Variants in ELMO1 observed in about 807,000 individuals in gnomAD.
The protein encoded by ELMO1 is engulfment and cell motility protein 1.
ELMO1 carries 26 observed loss-of-function variants against 98.9 expected under a neutral mutation model. That is an observed-to-expected ratio of 0.26 (90% CI 0.19 to 0.36). The LOEUF (loss-of-function observed/expected upper bound fraction) is 0.36. Ranked by LOEUF, ELMO1 falls within the 10% of genes least tolerant of loss-of-function variation. ELMO1 has a pLI of 1.00. For missense variants in ELMO1, 627 were observed against 935.2 expected, an observed-to-expected ratio of 0.67 and a Z score of 4.30; for synonymous variants, 346 against 346.0, an observed-to-expected ratio of 1.00 and a Z score of 0.00.
At chr7:36,956,981 A>G (rs1423552605) in intron 16 of ELMO1, among the ~76,000 whole-genome samples, 4 of 152,250 alleles carry the variant, frequency 2.6e-5, no homozygotes, top group African/African-American at 9.6e-5. Flanking sequence ...GTTATGTTCC[A>G]TGGTAATGTT....
At chr7:36,964,543 T>G (rs903044133) in intron 16 of ELMO1, among the ~76,000 whole-genome samples, 4 of 152,214 alleles carry the variant, frequency 2.6e-5, no homozygotes, top group Middle Eastern at 3.2e-3. Context: ...TTTGGAAACT[T>G]AAGTCTGTAC....
chr7:37,433,905 C>A (rs1310712130), intron 1 of ELMO1, among the ~76,000 whole-genome samples: 2 of 152,116 alleles, frequency 1.3e-5, no homozygotes, highest in Non-Finnish European at 1.5e-5. Flanking sequence ...CCAGGCTAAC[C>A]CACCCACTCA....
intron 13 of ELMO1, among the ~76,000 whole-genome samples, chr7:37,149,399 G>A (rs1407099084): frequency 6.6e-6 from 1 of 152,126 alleles, no homozygotes; most frequent in African/African-American, 2.4e-5. Context: ...CTAAGCCAGG[G>A]GTTAGCCAAC....
At chr7:37,261,278 G>T (rs1047853357) in intron 5 of ELMO1, among the ~76,000 whole-genome samples, 1 of 152,200 alleles carries the variant, frequency 6.6e-6, no homozygotes, top group Non-Finnish European at 1.5e-5. Context: ...TAGGTAACTT[G>T]CCCAAGGTCA....
chr7:37,448,155 G>C (rs1410264624), intron 1 of ELMO1, among the ~76,000 whole-genome samples: 2 of 151,314 alleles, frequency 1.3e-5, no homozygotes, highest in Admixed American at 1.3e-4. Context: ...CGCTCGCCGG[G>C]GGATTCCCTC....
chr7:36,897,464 A>G (rs1806133056), intron 16 of ELMO1, among the ~76,000 whole-genome samples: 1 of 151,358 alleles, frequency 6.6e-6, no homozygotes, highest in Non-Finnish European at 1.5e-5. Flanking sequence ...CTTGGATGAT[A>G]GTTTGTTCCT....
At chr7:37,114,128 T>C (rs73335575) in intron 14 of ELMO1, among the ~76,000 whole-genome samples, 42,069 of 152,184 alleles carry the variant, frequency 0.28, 8,039 homozygotes, top group African/African-American at 0.55. Context: ...TACTCTGAGT[T>C]ACTGGAGGTT....
intron 16 of ELMO1, among the ~76,000 whole-genome samples, chr7:36,973,446 G>T (rs1790155352): frequency 1.3e-5 from 2 of 152,194 alleles, no homozygotes; most frequent in African/African-American, 4.8e-5. Flanking sequence ...CTGAGTGAGG[G>T]CTGAGATGCC....
chr7:36,890,449 C>T (rs543201211), intron 17 of ELMO1, among the ~76,000 whole-genome samples: 43 of 152,286 alleles, frequency 2.8e-4, no homozygotes, highest in Admixed American at 1.4e-3. Context: ...TCTAATTGGA[C>T]GTCTCGTAGC....
intron 15 of ELMO1, among the ~76,000 whole-genome samples, chr7:37,018,038 G>A (rs558607749): frequency 6.6e-5 from 10 of 152,150 alleles, no homozygotes; most frequent in South Asian, 6.2e-4. Flanking sequence ...CATAAAGTCC[G>A]TAAGCATCAA....
chr7:37,050,659 C>A (rs73688657), intron 15 of ELMO1, among the ~76,000 whole-genome samples: 6,786 of 142,668 alleles, frequency 0.048, 196 homozygotes, highest in Admixed American at 0.059. Flanking sequence ...CACACACACA[C>A]AAAAGGTAAC....
chr7:37,028,422 C>T (rs1372378299), intron 15 of ELMO1, among the ~76,000 whole-genome samples: 1 of 152,146 alleles, frequency 6.6e-6, no homozygotes, highest in African/African-American at 2.4e-5. Context: ...GCAATCCTTA[C>T]AGTTGATAAA....
rs73693567 is a variant in ELMO1 at position 37,409,056 on chromosome 7, A to G, written c.-74+39619T>C. Among the ~76,000 whole-genome samples, 1,024 of 152,110 alleles carry G rather than the reference A, an allele frequency of 6.7e-3. 8 individuals carry two copies. The highest frequency in any genetic ancestry group is 0.023 in the African/African-American group (970 of 41,496). ...GAAACTCTGAAACAACGGAAAGCAC[A>G]GAGTTCAGAACAAACTCAGCACAAT... On this transcript the variant is annotated intron_variant, in intron 1 of 21. Transcript: ENST00000310758.
chr7:37,267,928 G>A (rs1796347049), intron 5 of ELMO1, among the ~76,000 whole-genome samples: 1 of 152,070 alleles, frequency 6.6e-6, no homozygotes, highest in South Asian at 2.1e-4. Context: ...TTTTTGTGGG[G>A]TTGTTTTAAT....
intron 16 of ELMO1, among the ~76,000 whole-genome samples, chr7:37,000,908 G>T (rs192726989): frequency 1.3e-5 from 2 of 149,942 alleles, no homozygotes; most frequent in African/African-American, 5.0e-5. Context: ...GAAACAGAGG[G>T]ATATATACAT....
chr7:36,895,281 A>T (rs1221064244), intron 16 of ELMO1, among the ~76,000 whole-genome samples: 2 of 152,236 alleles, frequency 1.3e-5, no homozygotes, highest in Non-Finnish European at 2.9e-5. Flanking sequence ...GGTGTACTCC[A>T]CTTGCTTGAC....
At chr7:36,988,188 A>G (rs141405483) in intron 16 of ELMO1, among the ~76,000 whole-genome samples, 21 of 152,308 alleles carry the variant, frequency 1.4e-4, no homozygotes, top group African/African-American at 2.2e-4. Flanking sequence ...AACACTGTCA[A>G]TCTTTCTCAG....
At chr7:37,323,767 A>G (rs1372326570) in intron 2 of ELMO1, among the ~76,000 whole-genome samples, 1 of 152,188 alleles carries the variant, frequency 6.6e-6, no homozygotes, top group Non-Finnish European at 1.5e-5. Context: ...CCATAATACA[A>G]TGCTGGTACC....
intron 2 of ELMO1, among the ~76,000 whole-genome samples, chr7:37,322,051 G>C (rs1799543836): frequency 6.6e-6 from 1 of 151,552 alleles, no homozygotes; most frequent in Non-Finnish European, 1.5e-5. Context: ...GTAGAGACGG[G>C]GTTTCACTAT....
Sources: gnomAD v4.1 joint callset for allele counts (sites outside exome capture counted in the v4.1 genomes callset) on GRCh38, gnomAD v4.1.1 for gene constraint, MANE v1.5 for transcripts, NCBI Gene and HGNC (gene_info 2026-07-23, HGNC 2026-07-21) for gene names.